RNF24: variants seen among roughly 807,000 people sequenced by gnomAD.
The protein encoded by RNF24 is ring finger protein 24.
A neutral mutation model predicts 20.0 loss-of-function variants in RNF24; 14 were observed. The ratio of observed to expected loss-of-function variants is 0.70; its 90% CI spans 0.46 to 1.10. RNF24 has a LOEUF of 1.10. Ranked by LOEUF, RNF24 falls within the 50% of genes least tolerant of loss-of-function variation. The pLI is 0.00. For missense variants in RNF24, 124 were observed against 177.6 expected (o/e 0.70, Z 1.71); for synonymous variants, 45 against 61.1 (o/e 0.74, Z 1.23).
At chr20:3,962,944 G>A (rs1429174285) in intron 2 of RNF24, among the ~76,000 whole-genome samples, 3 of 151,234 alleles carry the variant, frequency 2.0e-5, no homozygotes, top group African/African-American at 4.9e-5. Flanking sequence ...CAGGTAATCC[G>A]CCCACCTCAG....
At chr20:3,938,008 T>C (rs1477227036) in intron 4 of RNF24, among the ~76,000 whole-genome samples, 1 of 152,222 alleles carries the variant, frequency 6.6e-6, no homozygotes, top group Non-Finnish European at 1.5e-5. Context: ...GGTAACTCTA[T>C]GTTTACCTTT....
At chr20:3,981,370 A>C (rs1979364778) in intron 1 of RNF24, among the ~76,000 whole-genome samples, 1 of 152,118 alleles carries the variant, frequency 6.6e-6, no homozygotes, top group Admixed American at 6.6e-5. Context: ...CCTTAAATTT[A>C]AATGTTTAAT....
chr20:3,987,007 A>G (rs901751663), intron 1 of RNF24, among the ~76,000 whole-genome samples: 2 of 152,194 alleles, frequency 1.3e-5, no homozygotes, highest in African/African-American at 4.8e-5. Context: ...TCCTAGGGTC[A>G]AGGGATCCTC....
chr20:3,952,827 ATTGC>A (rs1477456913), intron 2 of RNF24, among the ~76,000 whole-genome samples: 2 of 152,128 alleles, frequency 1.3e-5, no homozygotes, highest in Non-Finnish European at 2.9e-5. Context: ...TATTGTATTG[ATTGC>A]TTTTCAAATG....
At chr20:3,954,058 G>A (rs765543785) in intron 2 of RNF24, among the ~76,000 whole-genome samples, 78 of 152,002 alleles carry the variant, frequency 5.1e-4, no homozygotes, top group Non-Finnish European at 1.0e-3. Context: ...GCCCGGCCCC[G>A]GTTTTTTCTT....
At position 3,929,875 on chromosome 20, in the gene RNF24, A is replaced by G. The variant is rs574888129; in HGVS notation, c.*4188T>C. ...CAGTATGTTGCAATAAAATGAAAAT[A>G]TGTCTTACTCAACAGGAGTGTGATT... On this transcript the variant is annotated 3_prime_UTR_variant, in exon 6 of 6. Transcript: ENST00000358395. 1 of 152,388 alleles carries G rather than the reference A, an allele frequency of 6.6e-6. No homozygotes were observed. The highest frequency in any genetic ancestry group is 1.5e-5 in the Non-Finnish European group (1 of 68,028). 9.4% of individuals were successfully genotyped at this position (152,388 alleles called of 1,614,324 possible). A position where few individuals can be genotyped will look rare whatever the true frequency, so the allele number is the denominator to read the frequency against.
At chr20:4,010,374 A>AAAT (rs942303866) in intron 1 of RNF24, among the ~76,000 whole-genome samples, 3 of 152,124 alleles carry the variant, frequency 2.0e-5, no homozygotes, top group African/African-American at 7.2e-5. Flanking sequence ...CTCCATCTCA[A>AAAT]AATAATAATA....
intron 2 of RNF24, among the ~76,000 whole-genome samples, chr20:3,952,469 A>G (rs1014143318): frequency 2.0e-5 from 3 of 151,934 alleles, no homozygotes; most frequent in African/African-American, 7.2e-5. Context: ...AAACTTTTGG[A>G]TTTTTTAATG....
chr20:3,979,454 T>A (rs1979199847), intron 1 of RNF24, among the ~76,000 whole-genome samples: 1 of 152,134 alleles, frequency 6.6e-6, no homozygotes. Flanking sequence ...GGTGGGTGGA[T>A]CACCTGAGGT....
intron 2 of RNF24, among the ~76,000 whole-genome samples, chr20:3,958,323 C>T (rs1045478365): frequency 1.3e-5 from 2 of 152,090 alleles, no homozygotes; most frequent in Non-Finnish European, 2.9e-5. Flanking sequence ...TACAAAAAAA[C>T]CCAGCACTAA....
chr20:3,989,878 G>A (rs1265938260), intron 1 of RNF24, among the ~76,000 whole-genome samples: 1 of 152,162 alleles, frequency 6.6e-6, no homozygotes, highest in Non-Finnish European at 1.5e-5. Context: ...GTACCAAAAG[G>A]AAGGAAAATT....
intron 4 of RNF24, among the ~76,000 whole-genome samples, chr20:3,940,872 T>C (rs2090946812): frequency 6.6e-6 from 1 of 152,156 alleles, no homozygotes; most frequent in Non-Finnish European, 1.5e-5. Flanking sequence ...ACAGAATTCA[T>C]AGCCAGAAGA....
At position 3,929,606 on chromosome 20, in the gene RNF24, C is replaced by G. The variant is rs1017862353; in HGVS notation, c.*4457G>C. ...CCACAACAGTTGCAGCCACACATCA[C>G]CACTGGTCCTCACTTGGAACTGGCC... On this transcript the variant is annotated 3_prime_UTR_variant, in exon 6 of 6. Coordinates refer to ENST00000358395, the MANE Select transcript of RNF24 (RefSeq NM_001134337.3). The G allele has an allele frequency of 6.6e-6, 1 of 152,484 alleles. No homozygotes were observed. The highest frequency in any genetic ancestry group is 1.5e-5 in the Non-Finnish European group (1 of 68,224). The allele number at this position is 152,484 out of a possible 1,614,324, so 9.4% of individuals were successfully genotyped here.
At chr20:4,007,289 G>A (rs1243014849) in intron 1 of RNF24, among the ~76,000 whole-genome samples, 1 of 152,164 alleles carries the variant, frequency 6.6e-6, no homozygotes, top group Non-Finnish European at 1.5e-5. Context: ...GAATCCCTTA[G>A]GGTTAGAAGT....
chr20:3,932,082 C>T lies in RNF24; in HGVS notation c.*1981G>A, dbSNP rs907765863. The T allele has an allele frequency of 6.6e-6, 1 of 152,182 alleles. No homozygotes were observed. The highest frequency in any genetic ancestry group is 1.5e-5 in the Non-Finnish European group (1 of 68,024). 9.4% of individuals were successfully genotyped at this position (152,182 alleles called of 1,614,324 possible). On this transcript the variant is annotated 3_prime_UTR_variant, in exon 6 of 6. Coordinates refer to ENST00000358395, the MANE Select transcript of RNF24 (RefSeq NM_001134337.3). ...TAGGAAGGGAAAAAACATTCTCTTT[C>T]CTATTAGAGCCCCATAACAGAGGTG... is the stretch of plus-strand genomic sequence containing the variant.
At chr20:3,960,304 A>G (rs1375518217) in intron 2 of RNF24, among the ~76,000 whole-genome samples, 7 of 152,218 alleles carry the variant, frequency 4.6e-5, no homozygotes, top group Admixed American at 4.6e-4. Flanking sequence ...TTAAATCCCA[A>G]TTTACCATTT....
In RNF24 at chr20:3,931,318, G is replaced by A. The variant is rs1052899114; in HGVS notation, c.*2745C>T. The A allele has an allele frequency of 5.9e-5, 9 of 152,210 alleles. No individual in the cohort carries two copies. The highest frequency in any genetic ancestry group is 1.4e-4 in the African/African-American group (6 of 41,452). The allele number at this position is 152,210 out of a possible 1,614,324, so 9.4% of individuals were successfully genotyped here. A position where few individuals can be genotyped will look rare whatever the true frequency, so the allele number is the denominator to read the frequency against. On this transcript the variant is annotated 3_prime_UTR_variant, in exon 6 of 6. Coordinates refer to ENST00000358395, the MANE Select transcript of RNF24 (RefSeq NM_001134337.3). ...GTCCCAGCAACTCCTGAAGATAGAT[G>A]CGGAAAGGGTGACTTTACCATGGGG...
At chr20:3,994,522 A>T (rs1348416200) in intron 1 of RNF24, among the ~76,000 whole-genome samples, 3 of 152,222 alleles carry the variant, frequency 2.0e-5, no homozygotes, top group Non-Finnish European at 4.4e-5. Context: ...TTAATAACTA[A>T]ATTCAAGTAT....
intron 2 of RNF24, among the ~76,000 whole-genome samples, chr20:3,957,127 G>C (rs766575291): frequency 1.3e-5 from 2 of 151,714 alleles, no homozygotes; most frequent in Non-Finnish European, 2.9e-5. Flanking sequence ...GTGAAACCCT[G>C]TCTCTACTAA....
Sources: allele counts gnomAD v4.1 joint callset (sites outside exome capture counted in the v4.1 genomes callset), GRCh38; gene constraint gnomAD v4.1.1; transcripts MANE v1.5; gene names NCBI Gene and HGNC (gene_info 2026-07-23, HGNC 2026-07-21).